Variants in PCDH15 observed in about 807,000 individuals in gnomAD.
PCDH15 encodes the protein protocadherin related 15.
In PCDH15, 129 loss-of-function variants were observed where a neutral mutation model predicts 178.5. That is an observed-to-expected ratio of 0.72 (90% CI 0.63 to 0.84). The LOEUF is 0.84. Ranked by LOEUF, PCDH15 falls within the 40% of genes least tolerant of loss-of-function variation. PCDH15 has a pLI of 0.00. For missense variants in PCDH15, 2,230 were observed against 2,099.9 expected (o/e 1.06, Z -1.21); for synonymous variants, 800 against 732.0 (o/e 1.09, Z -1.50).
At chr10:54,178,973 T>G (rs1021296701) in intron 13 of PCDH15, among the ~76,000 whole-genome samples, 3 of 151,952 alleles carry the variant, frequency 2.0e-5, no homozygotes, top group Admixed American at 6.6e-5. Flanking sequence ...GTTGGTGGGA[T>G]TGTAAACTAG....
intron 17 of PCDH15, among the ~76,000 whole-genome samples, chr10:54,077,282 C>T (rs1020425389): frequency 1.3e-5 from 2 of 152,046 alleles, no homozygotes; most frequent in Admixed American, 1.3e-4. Flanking sequence ...GTGTCCTGTC[C>T]AAGGAGAATT....
chr10:55,421,247 G>C (rs1234771467), intron 2 of PCDH15, among the ~76,000 whole-genome samples: 1 of 150,958 alleles, frequency 6.6e-6, no homozygotes, highest in Admixed American at 6.6e-5. Flanking sequence ...AAGAAGATAA[G>C]ACCATAAGAT....
intron 2 of PCDH15, among the ~76,000 whole-genome samples, chr10:55,446,714 C>G (rs988456665): frequency 3.9e-5 from 6 of 152,076 alleles, no homozygotes; most frequent in African/African-American, 1.2e-4. Flanking sequence ...TCTTAAGAGG[C>G]TTTATTGTTT....
intron 20 of PCDH15, among the ~76,000 whole-genome samples, chr10:54,003,521 A>C (rs971368425): frequency 6.6e-6 from 1 of 151,994 alleles, no homozygotes; most frequent in Admixed American, 6.6e-5. Context: ...GAAACAAATA[A>C]ATTCCTAGAC....
At chr10:54,581,659 A>T (rs192759288) in intron 2 of PCDH15, among the ~76,000 whole-genome samples, 1 of 152,238 alleles carries the variant, frequency 6.6e-6, no homozygotes, top group African/African-American at 2.4e-5. Context: ...GCATCATATT[A>T]TCCGACTTCA....
chr10:54,006,988 C>G (rs1173777333), intron 20 of PCDH15, among the ~76,000 whole-genome samples: 1 of 152,136 alleles, frequency 6.6e-6, no homozygotes, highest in Non-Finnish European at 1.5e-5. Flanking sequence ...GCCATTCTAT[C>G]CAAAATTATA....
intron 2 of PCDH15, among the ~76,000 whole-genome samples, chr10:54,995,484 T>C (rs1839618805): frequency 6.6e-6 from 1 of 151,712 alleles, no homozygotes. Context: ...TGGTATATTG[T>C]ATGAATCCCA....
At chr10:55,194,436 A>T (rs1436242603) in intron 1 of PCDH15, among the ~76,000 whole-genome samples, 1 of 152,042 alleles carries the variant, frequency 6.6e-6, no homozygotes, top group East Asian at 1.9e-4. Context: ...TCAATTTTTT[A>T]GAGATAAAGA....
At chr10:55,249,950 C>T (rs970877303) in intron 1 of PCDH15, among the ~76,000 whole-genome samples, 5 of 151,746 alleles carry the variant, frequency 3.3e-5, no homozygotes, top group African/African-American at 1.2e-4. Context: ...ATATTTTGGT[C>T]ATGATCTCTA....
chr10:55,344,199 TG>T (rs1844680295), intron 2 of PCDH15, among the ~76,000 whole-genome samples: 1 of 152,110 alleles, frequency 6.6e-6, no homozygotes, highest in Non-Finnish European at 1.5e-5. Context: ...GTGGCTGCAA[TG>T]GGGTGAGCCT....
chr10:54,369,820 AATATGTAC>A, intron 4 of PCDH15, among the ~76,000 whole-genome samples: 1 of 152,158 alleles, frequency 6.6e-6, no homozygotes, highest in Middle Eastern at 3.4e-3. Flanking sequence ...TCACTCTCTA[AATATGTAC>A]ATATTATAGA....
intron 2 of PCDH15, among the ~76,000 whole-genome samples, chr10:54,656,851 T>C (rs899684998): frequency 6.6e-6 from 1 of 151,784 alleles, no homozygotes; most frequent in Non-Finnish European, 1.5e-5. Context: ...TATGGAGAGG[T>C]AGTCATCTTC....
At chr10:53,953,689 T>A (rs2087317154) in intron 23 of PCDH15, among the ~76,000 whole-genome samples, 1 of 152,182 alleles carries the variant, frequency 6.6e-6, no homozygotes, top group Non-Finnish European at 1.5e-5. Flanking sequence ...TTTATTTTAT[T>A]GAGTATAGGG....
intron 1 of PCDH15, among the ~76,000 whole-genome samples, chr10:54,754,482 C>A (rs1946794974): frequency 6.6e-6 from 1 of 151,918 alleles, no homozygotes; most frequent in Non-Finnish European, 1.5e-5. Context: ...AGAAAATACA[C>A]CATTAATATG....
At chr10:54,508,669 A>C (rs2081374744) in intron 3 of PCDH15, among the ~76,000 whole-genome samples, 1 of 152,182 alleles carries the variant, frequency 6.6e-6, no homozygotes, top group Non-Finnish European at 1.5e-5. Flanking sequence ...ATTTATGTAC[A>C]TAACTGAAAG....
intron 23 of PCDH15, among the ~76,000 whole-genome samples, chr10:53,951,667 G>T (rs1254881437): frequency 1.3e-5 from 2 of 152,220 alleles, no homozygotes; most frequent in Non-Finnish European, 2.9e-5. Context: ...AATGTCACAG[G>T]ATCCTTGGGA....
At chr10:54,671,422 CA>C (rs2094669118) in intron 1 of PCDH15, among the ~76,000 whole-genome samples, 1 of 152,090 alleles carries the variant, frequency 6.6e-6, no homozygotes, top group Admixed American at 6.6e-5. Flanking sequence ...ATGAAAATGT[CA>C]GTGACTTGTA....
At chr10:55,500,446 T>C (rs1840631665) in intron 2 of PCDH15, among the ~76,000 whole-genome samples, 1 of 151,808 alleles carries the variant, frequency 6.6e-6, no homozygotes, top group Non-Finnish European at 1.5e-5. Flanking sequence ...TTTACAAATT[T>C]CCTATTGAGT....
At chr10:54,554,344 A>C (rs2086934925) in intron 2 of PCDH15, among the ~76,000 whole-genome samples, 1 of 152,200 alleles carries the variant, frequency 6.6e-6, no homozygotes, top group Admixed American at 6.5e-5. Flanking sequence ...ATCAATGTAA[A>C]AGTCTGGACA....
Sources: allele counts gnomAD v4.1 joint callset (sites outside exome capture counted in the v4.1 genomes callset), GRCh38; gene constraint gnomAD v4.1.1; transcripts MANE v1.5; gene names NCBI Gene and HGNC (gene_info 2026-07-23, HGNC 2026-07-21).